RGS6: variants seen among roughly 807,000 people sequenced by gnomAD.
RGS6 encodes the protein regulator of G protein signaling 6.
Under a neutral mutation model 78.5 loss-of-function variants are expected in RGS6, and 30 were observed. The ratio of observed to expected loss-of-function variants is 0.38; its 90% CI spans 0.29 to 0.52. RGS6 has a LOEUF of 0.52. Ranked by LOEUF, RGS6 falls within the 20% of genes least tolerant of loss-of-function variation. The pLI, the probability that RGS6 is intolerant of heterozygous loss-of-function variation, is 0.85. For missense variants in RGS6, 495 were observed against 609.7 expected (o/e 0.81, Z 1.98); for synonymous variants, 206 against 206.0 (o/e 1.00, Z 0.00).
At chr14:72,132,513 A>G (rs1012611501) in intron 2 of RGS6, among the ~76,000 whole-genome samples, 4 of 152,096 alleles carry the variant, frequency 2.6e-5, no homozygotes, top group Admixed American at 2.6e-4. Context: ...TCCTGACCTC[A>G]AGTGATCCAC....
chr14:72,032,622 A>T (rs1461465679), intron 2 of RGS6, among the ~76,000 whole-genome samples: 1 of 152,142 alleles, frequency 6.6e-6, no homozygotes, highest in Non-Finnish European at 1.5e-5. Context: ...ACCCTCCTCC[A>T]ACACTTGGCA....
At chr14:72,297,203 G>C (rs1291786945) in intron 2 of RGS6, among the ~76,000 whole-genome samples, 1 of 152,030 alleles carries the variant, frequency 6.6e-6, no homozygotes, top group Admixed American at 6.6e-5. Flanking sequence ...AAATTAGATA[G>C]AGTAAGTCCT....
intron 2 of RGS6, among the ~76,000 whole-genome samples, chr14:72,017,756 T>G (rs11850350): frequency 0.75 from 114,221 of 151,900 alleles, 44,009 homozygotes; most frequent in South Asian, 0.88. Flanking sequence ...TTTTATTGGG[T>G]TAAGAAAATG....
intron 17 of RGS6, among the ~76,000 whole-genome samples, chr14:72,549,021 C>T (rs116080876): frequency 1.2e-3 from 178 of 152,160 alleles, no homozygotes; most frequent in African/African-American, 3.9e-3. Context: ...TAAATGGATC[C>T]GACTGCATTT....
intron 2 of RGS6, among the ~76,000 whole-genome samples, chr14:72,183,720 GAAAAT>G (rs1487281058): frequency 2.0e-5 from 3 of 152,064 alleles, no homozygotes; most frequent in Non-Finnish European, 4.4e-5. Flanking sequence ...CAGAGAAGAA[GAAAAT>G]AAAATAAATA....
chr14:71,893,289 T>C, the RGS6 span, among the ~76,000 whole-genome samples: 98 of 152,334 alleles, frequency 6.4e-4, no homozygotes, highest in African/African-American at 2.3e-3. Flanking sequence ...TTTAAATGTG[T>C]GGATTTGCTT....
chr14:72,258,156 T>C (rs981728821), intron 2 of RGS6, among the ~76,000 whole-genome samples: 2 of 152,210 alleles, frequency 1.3e-5, no homozygotes, highest in African/African-American at 4.8e-5. Flanking sequence ...GTCTTACTCA[T>C]AAAACTGCAC....
intron 13 of RGS6, among the ~76,000 whole-genome samples, chr14:72,505,481 C>T (rs1453369387): frequency 6.6e-6 from 1 of 152,220 alleles, no homozygotes; most frequent in Non-Finnish European, 1.5e-5. Flanking sequence ...AATACGATCA[C>T]ATTGTGGATC....
chr14:72,131,493 G>T (rs2096314739), intron 2 of RGS6, among the ~76,000 whole-genome samples: 1 of 152,182 alleles, frequency 6.6e-6, no homozygotes, highest in African/African-American at 2.4e-5. Context: ...AATTCTGTAT[G>T]TCCCTTTGGG....
At chr14:72,082,969 A>G (rs1309624309) in intron 2 of RGS6, among the ~76,000 whole-genome samples, 1 of 152,220 alleles carries the variant, frequency 6.6e-6, no homozygotes, top group Non-Finnish European at 1.5e-5. Context: ...AATCCAAGCC[A>G]TCATGTAATC....
intron 3 of RGS6, among the ~76,000 whole-genome samples, chr14:72,383,553 T>C (rs185597617): frequency 1.5e-4 from 23 of 152,284 alleles, no homozygotes; most frequent in African/African-American, 5.5e-4. Context: ...TATCATCCAT[T>C]CTGCTTATTA....
At chr14:72,231,299 G>A (rs1166201568) in intron 2 of RGS6, among the ~76,000 whole-genome samples, 2 of 151,818 alleles carry the variant, frequency 1.3e-5, no homozygotes, top group Admixed American at 1.3e-4. Context: ...TCATTGTTAC[G>A]ATTTCATTTA....
At chr14:71,975,493 C>T (rs374564842) in intron 2 of RGS6, among the ~76,000 whole-genome samples, 1 of 151,378 alleles carries the variant, frequency 6.6e-6, no homozygotes, top group Non-Finnish European at 1.5e-5. Flanking sequence ...GAGGCTTGCT[C>T]TGTCACCCAG....
intron 2 of RGS6, among the ~76,000 whole-genome samples, chr14:72,217,563 A>T (rs1047065743): frequency 3.9e-5 from 6 of 152,196 alleles, no homozygotes; most frequent in African/African-American, 1.4e-4. Flanking sequence ...TTTAAAAAAA[A>T]GTAACACAAT....
chr14:72,590,593 G>A, the RGS6 span, among the ~76,000 whole-genome samples: 2 of 152,346 alleles, frequency 1.3e-5, no homozygotes, highest in Non-Finnish European at 2.9e-5. Context: ...CCTGGGGCTA[G>A]GTGAAGAAGG....
chr14:72,469,874 A>G lies in RGS6; in HGVS notation c.460-133A>G, dbSNP rs945863112. On this transcript the variant is annotated intron_variant, in intron 7 of 17. Transcript: ENST00000553525. ...GCAAAGTCAAATGGGATACATGTCCAGGGGATTTAAAGCAGGTCTTGCTAT... is the reference window on the plus strand; with the variant it reads ...GCAAAGTCAAATGGGATACATGTCCGGGGGATTTAAAGCAGGTCTTGCTAT... 31 of 661,442 alleles carry G rather than the reference A, an allele frequency of 4.7e-5. No homozygotes were observed. In the South Asian group the frequency reaches 5.3e-4, roughly 11 times the overall value. 41.0% of individuals were successfully genotyped at this position (661,442 alleles called of 1,614,324 possible).
At chr14:71,946,319 G>C (rs1470917359) in intron 1 of RGS6, among the ~76,000 whole-genome samples, 1 of 152,062 alleles carries the variant, frequency 6.6e-6, no homozygotes, top group African/African-American at 2.4e-5. Flanking sequence ...AAGAGAGTGT[G>C]TACCTGGAAA....
At chr14:71,903,437 T>C in the RGS6 span, among the ~76,000 whole-genome samples, 1 of 152,240 alleles carries the variant, frequency 6.6e-6, no homozygotes, top group Non-Finnish European at 1.5e-5. Flanking sequence ...TTAGTGAGGC[T>C]CTGGATAAAG....
At chr14:72,163,383 A>G (rs777275389) in intron 2 of RGS6, among the ~76,000 whole-genome samples, 4 of 152,252 alleles carry the variant, frequency 2.6e-5, no homozygotes, top group Non-Finnish European at 4.4e-5. Flanking sequence ...TGGGACCAAC[A>G]AGTCACAGTC....
Sources: gnomAD v4.1 joint callset for allele counts (sites outside exome capture counted in the v4.1 genomes callset) on GRCh38, gnomAD v4.1.1 for gene constraint, MANE v1.5 for transcripts, NCBI Gene and HGNC (gene_info 2026-07-23, HGNC 2026-07-21) for gene names.